GPHN: variants seen among roughly 807,000 people sequenced by gnomAD.
GPHN encodes the protein gephyrin.
A neutral mutation model predicts 95.5 loss-of-function variants in GPHN; 17 were observed. That is an observed-to-expected ratio of 0.18 (90% confidence interval 0.12 to 0.27). GPHN has a LOEUF of 0.27. Among genes scored for constraint, GPHN ranks in the 10% least tolerant of loss-of-function variants. The pLI, the probability that GPHN is intolerant of heterozygous loss-of-function variation, is 1.00. For synonymous variants in GPHN, 320 were observed against 322.5 expected (o/e 0.99, Z 0.08); for missense variants, 660 against 978.1 (o/e 0.67, Z 4.34).
chr14:66,559,795 T>G (rs1395415890), intron 1 of GPHN, among the ~76,000 whole-genome samples: 1 of 152,096 alleles, frequency 6.6e-6, no homozygotes, highest in African/African-American at 2.4e-5. Context: ...TTTGGTGTTT[T>G]AGACATGAAG....
At chr14:67,688,913 C>T in the GPHN span, among the ~76,000 whole-genome samples, 16 of 152,188 alleles carry the variant, frequency 1.1e-4, no homozygotes, top group East Asian at 1.2e-3. Context: ...ACCCAGTGCA[C>T]GGAACAACAT....
the GPHN span, chr14:67,586,271 A>C: frequency 9.2e-7 from 1 of 1,085,544 alleles, no homozygotes; most frequent in Non-Finnish European, 1.4e-6. Flanking sequence ...TCTCCGTATC[A>C]ATGTTCAGCT....
intron 16 of GPHN, among the ~76,000 whole-genome samples, chr14:67,115,639 G>A (rs1749435223): frequency 1.3e-5 from 2 of 152,126 alleles, no homozygotes; most frequent in African/African-American, 4.8e-5. Context: ...GGAGGCTGAG[G>A]CAGAAGAATT....
the GPHN span, chr14:67,473,377 TG>T: frequency 6.3e-7 from 1 of 1,594,996 alleles, no homozygotes; most frequent in Non-Finnish European, 8.5e-7. The surrounding 1 kb of genome is among the most constrained non-coding windows in gnomAD (Gnocchi z 6.5). Context: ...TCTTTGTCCA[TG>T]AGTTCCATGA....
chr14:67,165,539 C>T (rs148195076), intron 20 of GPHN, among the ~76,000 whole-genome samples: 1 of 152,260 alleles, frequency 6.6e-6, no homozygotes, highest in African/African-American at 2.4e-5. Context: ...TTCTGGAGCA[C>T]CTGCTTTTTC....
the GPHN span, among the ~76,000 whole-genome samples, chr14:67,630,661 C>A: frequency 2.9e-3 from 444 of 152,262 alleles, 6 homozygotes; most frequent in Non-Finnish European, 2.5e-3. Flanking sequence ...CTCACTGCAA[C>A]CTCCGCCTCC....
the GPHN span, among the ~76,000 whole-genome samples, chr14:67,402,797 A>G: frequency 6.6e-6 from 1 of 152,178 alleles, no homozygotes; most frequent in Non-Finnish European, 1.5e-5. Flanking sequence ...CATTGTATAT[A>G]TGTACCACAG....
At chr14:67,586,816 C>T in the GPHN span, 6 of 1,453,074 alleles carry the variant, frequency 4.1e-6, no homozygotes, top group Non-Finnish European at 5.5e-6. Flanking sequence ...GTAGAGCTAA[C>T]CAGAGCAGAA....
intron 3 of GPHN, among the ~76,000 whole-genome samples, chr14:66,805,730 A>G (rs568649523): frequency 6.6e-6 from 1 of 152,344 alleles, no homozygotes; most frequent in South Asian, 2.1e-4. Flanking sequence ...CAACCAGGCC[A>G]CACTGATGCA....
chr14:66,610,561 C>G (rs1403007621), intron 1 of GPHN, among the ~76,000 whole-genome samples: 2 of 152,128 alleles, frequency 1.3e-5, no homozygotes, highest in African/African-American at 4.8e-5. Context: ...TGTGCCCTCT[C>G]AAATCCTTCT....
rs1414344432 is a variant in GPHN at position 66,578,371 on chromosome 14, C to G, written c.64+69780C>G. On this transcript the variant is annotated intron_variant, in intron 1 of 22. Coordinates refer to ENST00000478722, the MANE Select transcript of GPHN (RefSeq NM_020806.5). ...CATTATAGGAGTTCCAGAAGGAACA[C>G]AGAGAGAGAAAGGAGTAGTGAATGT... Among the ~76,000 whole-genome samples the G allele has an allele frequency of 2.6e-5, 4 of 151,376 alleles. 1 individual carries two copies. Among genetic ancestry groups the G allele is most frequent in the African/African-American group, 9.7e-5 (4 of 41,246 alleles).
chr14:67,033,965 C>G (rs896268269), intron 10 of GPHN, among the ~76,000 whole-genome samples: 2 of 152,126 alleles, frequency 1.3e-5, no homozygotes, highest in Admixed American at 6.5e-5. Flanking sequence ...AATACTGCAT[C>G]CAGCAAAACT....
At chr14:67,614,098 G>A in the GPHN span, among the ~76,000 whole-genome samples, 1 of 152,020 alleles carries the variant, frequency 6.6e-6, no homozygotes, top group Non-Finnish European at 1.5e-5. Context: ...ACCACACCCA[G>A]CTAATTTTGT....
intron 2 of GPHN, among the ~76,000 whole-genome samples, chr14:66,687,202 C>G (rs541219865): frequency 6.6e-6 from 1 of 152,060 alleles, no homozygotes; most frequent in Non-Finnish European, 1.5e-5. Context: ...GACAGATCAA[C>G]GAGACAGAAA....
At chr14:66,907,060 T>G (rs2065418281) in intron 5 of GPHN, among the ~76,000 whole-genome samples, 1 of 152,192 alleles carries the variant, frequency 6.6e-6, no homozygotes, top group Admixed American at 6.6e-5. Context: ...ATCCAAAATA[T>G]ACAGAGAACT....
At chr14:66,575,695 C>A (rs7153313) in intron 1 of GPHN, among the ~76,000 whole-genome samples, 49,858 of 151,840 alleles carry the variant, frequency 0.33, 12,021 homozygotes, top group African/African-American at 0.66. Context: ...TCCTGGGTGC[C>A]TGGGGGCTGT....
intron 10 of GPHN, among the ~76,000 whole-genome samples, chr14:67,037,687 A>T (rs1167498914): frequency 6.6e-6 from 1 of 151,946 alleles, no homozygotes; most frequent in African/African-American, 2.4e-5. Flanking sequence ...GCCAACACAC[A>T]TATGAAAAGC....
chr14:67,593,589 T>C, the GPHN span: 1 of 588,720 alleles, frequency 1.7e-6, no homozygotes, highest in Non-Finnish European at 3.0e-6. Flanking sequence ...TAATTCCCTA[T>C]CCATGAAAAC....
the GPHN span, among the ~76,000 whole-genome samples, chr14:67,391,798 C>G: frequency 6.6e-6 from 1 of 152,204 alleles, no homozygotes; most frequent in South Asian, 2.1e-4. Context: ...CTCTCCCAAA[C>G]ACGGTTTAGG....
Sources: gnomAD v4.1 joint callset for allele counts (sites outside exome capture counted in the v4.1 genomes callset) on GRCh38, gnomAD v4.1.1 for gene constraint, Gnocchi (gnomAD v3.1) non-coding constraint, MANE v1.5 for transcripts, NCBI Gene and HGNC (gene_info 2026-07-23, HGNC 2026-07-21) for gene names.